GRIK2: variants seen among roughly 807,000 people sequenced by gnomAD.
GRIK2 encodes the protein glutamate ionotropic receptor kainate type subunit 2.
In GRIK2, 32 loss-of-function variants were observed where a neutral mutation model predicts 100.3. The ratio of observed to expected loss-of-function variants is 0.32; its 90% CI spans 0.24 to 0.43. The LOEUF (loss-of-function observed/expected upper bound fraction) is 0.43. GRIK2 is among the 20% of genes least tolerant of loss of function. GRIK2 has a pLI of 1.00. For synonymous variants in GRIK2, 417 were observed against 389.4 expected (o/e 1.07, Z -0.83); for missense variants, 843 against 1,114.9 (o/e 0.76, Z 3.47).
At chr6:101,412,244 T>A (rs1285703726) in intron 2 of GRIK2, among the ~76,000 whole-genome samples, 1 of 152,100 alleles carries the variant, frequency 6.6e-6, no homozygotes, top group East Asian at 1.9e-4. Flanking sequence ...TTTAGGTAGA[T>A]AAATTGTTAA....
chr6:101,464,328 G>A (rs1451937065), intron 2 of GRIK2, among the ~76,000 whole-genome samples: 1 of 152,006 alleles, frequency 6.6e-6, no homozygotes, highest in African/African-American at 2.4e-5. Flanking sequence ...GCATGAAGCA[G>A]GTTGAAGAAA....
At chr6:101,474,877 T>A (rs1772148355) in intron 2 of GRIK2, among the ~76,000 whole-genome samples, 1 of 152,092 alleles carries the variant, frequency 6.6e-6, no homozygotes, top group South Asian at 2.1e-4. Flanking sequence ...TTAATCACAA[T>A]ATCTAGAATT....
At chr6:101,651,878 C>T (rs907189561) in intron 4 of GRIK2, among the ~76,000 whole-genome samples, 1 of 151,972 alleles carries the variant, frequency 6.6e-6, no homozygotes, top group African/African-American at 2.4e-5. Context: ...ATGAGATCAT[C>T]ACAGAAGTGA....
At chr6:102,028,431 A>G (rs1266669918) in intron 14 of GRIK2, among the ~76,000 whole-genome samples, 3 of 151,336 alleles carry the variant, frequency 2.0e-5, no homozygotes, top group African/African-American at 7.3e-5. Flanking sequence ...TAAAATAAAC[A>G]TTGCTAAACA....
At chr6:101,441,935 G>C (rs2128246329) in intron 2 of GRIK2, among the ~76,000 whole-genome samples, 1 of 151,548 alleles carries the variant, frequency 6.6e-6, no homozygotes, top group East Asian at 1.9e-4. Context: ...ATAGTGAAAG[G>C]ATATGTATAC....
At chr6:101,998,071 T>C (rs1156586612) in intron 14 of GRIK2, among the ~76,000 whole-genome samples, 6 of 152,112 alleles carry the variant, frequency 3.9e-5, no homozygotes, top group Non-Finnish European at 5.9e-5. Context: ...TCCCAAAAGC[T>C]TCCTTGTATC....
At chr6:101,910,688 G>T (rs1279902774) in intron 12 of GRIK2, among the ~76,000 whole-genome samples, 1 of 151,174 alleles carries the variant, frequency 6.6e-6, no homozygotes, top group Non-Finnish European at 1.5e-5. Context: ...TAAAATAATA[G>T]ATCTGCCTTT....
chr6:101,507,654 A>G (rs1452939611), intron 2 of GRIK2, among the ~76,000 whole-genome samples: 3 of 152,230 alleles, frequency 2.0e-5, no homozygotes, highest in African/African-American at 4.8e-5. Flanking sequence ...CAAGTTGTAG[A>G]AGACAGCATA....
At chr6:101,403,002 T>G (rs77426319) in intron 2 of GRIK2, among the ~76,000 whole-genome samples, 2 of 152,182 alleles carry the variant, frequency 1.3e-5, no homozygotes, top group African/African-American at 4.8e-5. Context: ...GGTCCTTCTC[T>G]TCCGGGCATG....
chr6:101,531,745 G>T (rs1453118974), intron 2 of GRIK2, among the ~76,000 whole-genome samples: 1 of 151,786 alleles, frequency 6.6e-6, no homozygotes, highest in East Asian at 1.9e-4. Context: ...CCCTATCTTG[G>T]TTAATAGCAC....
intron 7 of GRIK2, among the ~76,000 whole-genome samples, chr6:101,728,777 T>C (rs1775052446): frequency 6.6e-6 from 1 of 152,082 alleles, no homozygotes; most frequent in South Asian, 2.1e-4. Context: ...TTTTAAGGTA[T>C]GTTTTATTTG....
intron 7 of GRIK2, among the ~76,000 whole-genome samples, chr6:101,721,950 G>A (rs1038855229): frequency 7.9e-5 from 12 of 151,360 alleles, no homozygotes; most frequent in African/African-American, 2.9e-4. Flanking sequence ...CTTTTTTTCC[G>A]ATTTATTTTT....
At chr6:101,429,769 C>T (rs1405135280) in intron 2 of GRIK2, among the ~76,000 whole-genome samples, 1 of 151,980 alleles carries the variant, frequency 6.6e-6, no homozygotes, top group Non-Finnish European at 1.5e-5. Flanking sequence ...AATGTTCTCA[C>T]ATAACAGTAG....
intron 2 of GRIK2, among the ~76,000 whole-genome samples, chr6:101,466,786 A>G (rs1771672029): frequency 6.6e-6 from 1 of 152,122 alleles, no homozygotes; most frequent in Non-Finnish European, 1.5e-5. Context: ...TGCTTTCAAG[A>G]GTTTTAGCAG....
At chr6:101,824,799 C>A (rs1218072632) in intron 10 of GRIK2, among the ~76,000 whole-genome samples, 1 of 152,138 alleles carries the variant, frequency 6.6e-6, no homozygotes, top group African/African-American at 2.4e-5. Context: ...ATTACAGTAT[C>A]CACTTTACTT....
intron 2 of GRIK2, among the ~76,000 whole-genome samples, chr6:101,500,827 T>C (rs1324957390): frequency 2.6e-5 from 4 of 152,106 alleles, no homozygotes; most frequent in Non-Finnish European, 5.9e-5. Flanking sequence ...AGATTGAATA[T>C]ATTTGTAAAT....
chr6:101,755,048 G>A (rs1448484196), intron 7 of GRIK2, among the ~76,000 whole-genome samples: 3 of 151,980 alleles, frequency 2.0e-5, no homozygotes, highest in African/African-American at 4.8e-5. Flanking sequence ...GACACCAACA[G>A]GTTGATCCTG....
intron 2 of GRIK2, among the ~76,000 whole-genome samples, chr6:101,583,466 C>T (rs1778199837): frequency 6.6e-6 from 1 of 151,898 alleles, no homozygotes; most frequent in Non-Finnish European, 1.5e-5. Context: ...ATTATAAATC[C>T]CCATTATTTA....
In GRIK2 at chr6:101,889,741, C is replaced by T; in HGVS notation, c.1626C>T (p.Tyr542=). The change falls in exon 12 of 17, where the codon TAC becomes TAT. Residue 542 remains tyrosine, a synonymous_variant. Coordinates refer to ENST00000369134, the MANE Select transcript of GRIK2 (RefSeq NM_021956.5). ...PFMTLGISIL[Y]RKPNGTNPGV... is the part of the protein sequence containing the mutation. ...TGACACTTGGAATAAGTATTTTGTA[C>T]CGCAAGCCCAATGGTACAAACCCAG... 2 of 1,612,472 alleles carry T rather than the reference C, an allele frequency of 1.2e-6. No individual in the cohort carries two copies. The highest frequency in any genetic ancestry group is 1.7e-6 in the Non-Finnish European group (2 of 1,178,876).
Sources: gnomAD v4.1 joint callset for allele counts (sites outside exome capture counted in the v4.1 genomes callset) on GRCh38, gnomAD v4.1.1 for gene constraint, MANE v1.5 for transcripts, NCBI Gene and HGNC (gene_info 2026-07-23, HGNC 2026-07-21) for gene names.